The following C1orf115 variants were observed in gnomAD, a reference collection of about 807,000 sequenced individuals.
The protein encoded by C1orf115 is required for drug-induced death protein 1.
A neutral mutation model predicts 12.5 loss-of-function variants in C1orf115; 14 were observed. That is an observed-to-expected ratio of 1.12 (90% CI 0.74 to 1.75). The LOEUF (loss-of-function observed/expected upper bound fraction) is 1.75, where lower values mean the gene tolerates loss of function less well. Among genes scored for constraint, C1orf115 ranks in the 40% most tolerant of loss-of-function variants. C1orf115 has a pLI of 0.00. For missense variants in C1orf115, 237 were observed against 220.8 expected (o/e 1.07, Z -0.46); for synonymous variants, 109 against 104.6 (o/e 1.04, Z -0.26).
At position 220,698,895 on chromosome 1, in the gene C1orf115, C is replaced by T. The variant is rs1670231538; in HGVS notation, c.*2164C>T. 6.6e-6 allele frequency: 1 copy of T among 152,212 alleles called. No individual in the cohort carries two copies. The highest frequency in any genetic ancestry group is 2.4e-5 in the African/African-American group (1 of 41,448). 9.4% of individuals were successfully genotyped at this position (152,212 alleles called of 1,614,324 possible). ...GGTACAGAAGATGAATCTCAGATGT[C>T]ACTCAACCTGAGCCGTCATTCTCTG... On this transcript the variant is annotated 3_prime_UTR_variant, in exon 2 of 2. Transcript: ENST00000294889.
rs367801580 is a variant in C1orf115, at chr1:220,696,735, G to T, written c.*4G>T. 1.9e-6 allele frequency: 3 copies of T among 1,580,848 alleles called. No homozygotes were observed. Among genetic ancestry groups the T allele is most frequent in the Non-Finnish European group, 2.6e-6 (3 of 1,153,446 alleles). On this transcript the variant is annotated 3_prime_UTR_variant, in exon 2 of 2. Coordinates refer to ENST00000294889, the MANE Select transcript of C1orf115 (RefSeq NM_024709.5). ...CGTGGTATCCTTCGTGCGCTAATGG[G>T]AGCTGCTGTGGCAGGTGCCCCCAGA...
intron 1 of C1orf115, among the ~76,000 whole-genome samples, chr1:220,692,477 A>G (rs1670127672): frequency 6.6e-6 from 1 of 152,248 alleles, no homozygotes; most frequent in South Asian, 2.1e-4. Flanking sequence ...AAGGAAATGT[A>G]CTAATCCATG....
intron 1 of C1orf115, among the ~76,000 whole-genome samples, chr1:220,692,825 A>T (rs567377152): frequency 3.5e-4 from 54 of 152,224 alleles, no homozygotes; most frequent in Non-Finnish European, 6.5e-4. Context: ...CTTAACTAAA[A>T]CAAACAAAAA....
Position 220,697,566 on chromosome 1 carries a change from C to T in C1orf115, c.*835C>T, listed in dbSNP as rs531945023. ...AGAGTCCCTGCAAAGGTGTGGCTGG[C>T]TGTGGTCAGGGTGCTACTAGCACCA... On this transcript the variant is annotated 3_prime_UTR_variant, in exon 2 of 2. Coordinates refer to ENST00000294889, the MANE Select transcript of C1orf115 (RefSeq NM_024709.5). The surrounding 1 kb of genome is among the most constrained non-coding windows in gnomAD (Gnocchi z 4.5). 1 of 152,282 alleles carries T rather than the reference C, an allele frequency of 6.6e-6. No homozygotes were observed. The highest frequency in any genetic ancestry group is 6.5e-5 in the Admixed American group (1 of 15,280). The allele number at this position is 152,282 out of a possible 1,614,324, so 9.4% of individuals were successfully genotyped here.
rs1212950169 is a variant in C1orf115, at chr1:220,697,914, T to A, written c.*1183T>A. 1 of 152,940 alleles carries A rather than the reference T, an allele frequency of 6.5e-6. No homozygotes were observed. Among genetic ancestry groups the A allele is most frequent in the Non-Finnish European group, 1.5e-5 (1 of 68,624 alleles). The allele number at this position is 152,940 out of a possible 1,614,324, so 9.5% of individuals were successfully genotyped here. A position where few individuals can be genotyped will look rare whatever the true frequency, so the allele number is the denominator to read the frequency against. The stretch of plus-strand genomic sequence containing the variant: ...AGCCAGGGCTGGTGCTTAAAACCCC[T>A]GAGGCCATGAGCTCATTGGCTGCCT... On this transcript the variant is annotated 3_prime_UTR_variant, in exon 2 of 2. Coordinates refer to ENST00000294889, the MANE Select transcript of C1orf115 (RefSeq NM_024709.5). This position sits in a 1 kb window ranked among gnomAD's most constrained non-coding sequence, Gnocchi z 4.5.
chr1:220,693,713 C>T (rs1407587743), intron 1 of C1orf115, among the ~76,000 whole-genome samples: 1 of 152,164 alleles, frequency 6.6e-6, no homozygotes, highest in Non-Finnish European at 1.5e-5. Flanking sequence ...TCTACATGCT[C>T]AGGATACAGT....
chr1:220,696,180 G>A (rs988618555), intron 1 of C1orf115, among the ~76,000 whole-genome samples: 14 of 152,184 alleles, frequency 9.2e-5, no homozygotes, highest in Non-Finnish European at 1.0e-4. Flanking sequence ...AGGAGGAGAA[G>A]ATGGGCTTTC....
intron 1 of C1orf115, 32 bp downstream of exon 1, chr1:220,690,743 G>T (rs779656582): frequency 6.4e-7 from 1 of 1,553,856 alleles, no homozygotes; most frequent in South Asian, 1.2e-5. Context: ...TGCCCGGGGG[G>T]CGCGGGTGTG....
Position 220,690,386 on chromosome 1 carries a change from A to G in C1orf115, c.-17A>G. The stretch of plus-strand genomic sequence containing the variant: ...GTGTCTTTGCGCTCGGACCTTCGCC[A>G]GAGGGGCCGGGACATCATGACGGTG... On this transcript the variant is annotated 5_prime_UTR_variant, in exon 1 of 2. Coordinates refer to ENST00000294889, the MANE Select transcript of C1orf115 (RefSeq NM_024709.5). 7.2e-7 allele frequency: 1 copy of G among 1,392,208 alleles called. No individual in the cohort carries two copies. The highest frequency in any genetic ancestry group is 9.3e-7 in the Non-Finnish European group (1 of 1,080,180). The allele number at this position is 1,392,208 out of a possible 1,614,324, so 86.2% of individuals were successfully genotyped here. A position where few individuals can be genotyped will look rare whatever the true frequency, so the allele number is the denominator to read the frequency against.
intron 1 of C1orf115, among the ~76,000 whole-genome samples, chr1:220,694,809 A>G (rs1461519213): frequency 6.6e-6 from 1 of 152,232 alleles, no homozygotes; most frequent in African/African-American, 2.4e-5. Flanking sequence ...ACTTGTAGTC[A>G]TTAGAAATGG....
At chr1:220,694,123 A>T (rs960912306) in intron 1 of C1orf115, among the ~76,000 whole-genome samples, 2 of 150,942 alleles carry the variant, frequency 1.3e-5, no homozygotes, top group Non-Finnish European at 2.9e-5. Flanking sequence ...GCCAGAAGTC[A>T]TAGGAAATTA....
At chr1:220,694,537 T>C (rs978576378) in intron 1 of C1orf115, among the ~76,000 whole-genome samples, 2 of 152,220 alleles carry the variant, frequency 1.3e-5, no homozygotes, top group Non-Finnish European at 1.5e-5. Flanking sequence ...TGAGATTTCT[T>C]TGGGATTGAA....
intron 1 of C1orf115, among the ~76,000 whole-genome samples, chr1:220,694,025 A>T (rs1427919288): frequency 1.4e-5 from 2 of 144,168 alleles, no homozygotes; most frequent in Non-Finnish European, 3.0e-5. Flanking sequence ...GGTTGCAGTG[A>T]GCTGAGATCG....
At chr1:220,695,877 C>T (rs1274054777) in intron 1 of C1orf115, among the ~76,000 whole-genome samples, 3 of 152,000 alleles carry the variant, frequency 2.0e-5, no homozygotes, top group Admixed American at 2.0e-4. Flanking sequence ...CATGGGCAGC[C>T]GTGCAATAAA....
intron 1 of C1orf115, among the ~76,000 whole-genome samples, chr1:220,691,194 G>A (rs893447257): frequency 1.3e-5 from 2 of 152,124 alleles, no homozygotes; most frequent in African/African-American, 2.4e-5. Flanking sequence ...GTTATTTCCC[G>A]AGCCTGGGAG....
rs1433750168 is a variant in C1orf115, at chr1:220,698,903, C to G, written c.*2172C>G. ...AGATGAATCTCAGATGTCACTCAACCTGAGCCGTCATTCTCTGTGGCAGGG... is the reference window on the plus strand; with the variant it reads ...AGATGAATCTCAGATGTCACTCAACGTGAGCCGTCATTCTCTGTGGCAGGG... On this transcript the variant is annotated 3_prime_UTR_variant, in exon 2 of 2. Coordinates refer to ENST00000294889, the MANE Select transcript of C1orf115 (RefSeq NM_024709.5). 1 of 152,222 alleles carries G rather than the reference C, an allele frequency of 6.6e-6. No individual in the cohort carries two copies. The highest frequency in any genetic ancestry group is 1.9e-4 in the East Asian group (1 of 5,198). The allele number at this position is 152,222 out of a possible 1,614,324, so 9.4% of individuals were successfully genotyped here.
intron 1 of C1orf115, among the ~76,000 whole-genome samples, chr1:220,693,387 C>G (rs1490153797): frequency 1.3e-5 from 2 of 152,092 alleles, no homozygotes; most frequent in Non-Finnish European, 2.9e-5. Context: ...TTAATGCAGG[C>G]GATTGTCATT....
In C1orf115 at chr1:220,696,656, C is replaced by A. The variant is rs771614062; in HGVS notation, c.354C>A (p.Ile118=). The change falls in exon 2 of 2, where the codon ATC becomes ATA. Residue 118 remains isoleucine (I), a synonymous_variant. Coordinates refer to ENST00000294889, the MANE Select transcript of C1orf115 (RefSeq NM_024709.5). ...VIIKGCRYVV[I]GLQGFAAAYS... is the part of the protein sequence containing the mutation. ...TCAAAGGATGCCGCTACGTGGTCAT[C>A]GGCCTGCAAGGCTTCGCTGCAGCCT... is the stretch of plus-strand genomic sequence containing the variant. 5.0e-6 allele frequency: 8 copies of A among 1,601,544 alleles called. No homozygotes were observed. Among genetic ancestry groups the A allele is most frequent in the Non-Finnish European group, 6.8e-6 (8 of 1,169,584 alleles).
In C1orf115 at chr1:220,697,072, G is replaced by A. The variant is rs1240351218; in HGVS notation, c.*341G>A. On this transcript the variant is annotated 3_prime_UTR_variant, in exon 2 of 2. Coordinates refer to ENST00000294889, the MANE Select transcript of C1orf115 (RefSeq NM_024709.5). The surrounding 1 kb of genome is among the most constrained non-coding windows in gnomAD (Gnocchi z 4.5). ...CACTCAACAGATGCAAGCAGTGTGGGTGTGCAGCAGAACAGTGATCTTGGG... is the reference window on the plus strand; with the variant it reads ...CACTCAACAGATGCAAGCAGTGTGGATGTGCAGCAGAACAGTGATCTTGGG... 3 of 185,076 alleles carry A rather than the reference G, an allele frequency of 1.6e-5. No individual in the cohort carries two copies. Among genetic ancestry groups the A allele is most frequent in the Non-Finnish European group, 3.4e-5 (3 of 89,328 alleles). 11.5% of individuals were successfully genotyped at this position (185,076 alleles called of 1,614,324 possible).
Sources: allele counts gnomAD v4.1 joint callset (sites outside exome capture counted in the v4.1 genomes callset), GRCh38; gene constraint gnomAD v4.1.1; non-coding constraint Gnocchi (gnomAD v3.1); transcripts MANE v1.5; gene names NCBI Gene and HGNC (gene_info 2026-07-23, HGNC 2026-07-21).